The following ZNF177 variants were observed in gnomAD, a reference collection of about 807,000 sequenced individuals.
The protein encoded by ZNF177 is zinc finger protein 177.
In ZNF177, 17 loss-of-function variants were observed where a neutral mutation model predicts 19.4. The observed-to-expected ratio is 0.87, with a 90% CI of 0.60 to 1.31. The LOEUF (loss-of-function observed/expected upper bound fraction) is 1.31, where lower values mean the gene tolerates loss of function less well. ZNF177 is among the 40% of genes most tolerant of loss of function. The probability of loss-of-function intolerance (pLI) is 0.00; values close to 1 mark genes in which losing one functional copy is unlikely to be tolerated. For missense variants in ZNF177, 633 were observed against 561.8 expected (o/e 1.13, Z -1.28); for synonymous variants, 220 against 188.7 (o/e 1.17, Z -1.36).
intron 2 of ZNF177, among the ~76,000 whole-genome samples, chr19:9,368,732 A>G (rs186129072): frequency 1.2e-4 from 18 of 152,258 alleles, no homozygotes; most frequent in African/African-American, 3.6e-4. Context: ...TTCTAATTCA[A>G]TTCTTTTATA....
intron 5 of ZNF177, 167 bp from the exon 8 acceptor site, chr19:9,380,501 C>T (rs1049159567): frequency 1.5e-5 from 21 of 1,378,674 alleles, no homozygotes; most frequent in Admixed American, 6.6e-5. Flanking sequence ...TTATTCAACT[C>T]GAAAAAGCTA....
Position 9,381,733 on chromosome 19 carries a change from A to G in ZNF177, c.1402A>G (p.Ile468Val), listed in dbSNP as rs772234155. ...AGCCTTTAGCACAAGCACTAACCTT[A>G]TAATGCACAAGCGAATCCACAATGG... The change falls in exon 6 of 6, where the codon ATA (isoleucine) becomes GTA (valine). Residue 468 changes from isoleucine to valine, a missense_variant. By Grantham distance (29) the Ile-to-Val change is conservative. Coordinates refer to ENST00000589262, the Ensembl canonical transcript of ZNF177. The G allele has an allele frequency of 2.5e-6, 4 of 1,611,582 alleles. No individual in the cohort carries two copies. The South Asian group carries it at 4.4e-5, about 18-fold the overall frequency.
intron 2 of ZNF177, among the ~76,000 whole-genome samples, chr19:9,370,795 C>CG: frequency 6.6e-6 from 1 of 152,134 alleles, no homozygotes; most frequent in African/African-American, 2.4e-5. Context: ...CAGACACAAG[C>CG]ATTCATCTTT....
chr19:9,370,176 A>T (rs79986758), intron 2 of ZNF177, among the ~76,000 whole-genome samples: 3,203 of 152,188 alleles, frequency 0.021, 106 homozygotes, highest in African/African-American at 0.073. Context: ...AATTCTCCAC[A>T]AAAGTAGAAT....
At chr19:9,380,856 T>G in exon 6 of ZNF177, 1 of 1,536,078 alleles carries the variant, frequency 6.5e-7, no homozygotes, top group Non-Finnish European at 8.7e-7. Context: ...GAGAGAAAAC[T>G]CTTGAATTTA....
At chr19:9,374,703 ATTTT>A (rs58487494), upstream of ZNF177, among the ~76,000 whole-genome samples, 1 of 151,386 alleles carries the variant, frequency 6.6e-6, no homozygotes, top group Non-Finnish European at 1.5e-5. Flanking sequence ...TTGTATGTTG[ATTTT>A]TTTTTACCCT....
chr19:9,375,424 ATGTT>A (rs1188710248), upstream of ZNF177, among the ~76,000 whole-genome samples: 3 of 152,156 alleles, frequency 2.0e-5, no homozygotes, highest in African/African-American at 7.2e-5. Flanking sequence ...GATTCTTTAA[ATGTT>A]TGGTAGAATT....
exon 6 of ZNF177, chr19:9,381,845 A>G: frequency 1.3e-6 from 2 of 1,520,534 alleles, no homozygotes; most frequent in Non-Finnish European, 1.8e-6. Context: ...TATTGGAGAG[A>G]AGCCCTGTTA....
chr19:9,376,765 A>ATT (rs1354130328), intron 1 of ZNF177, among the ~76,000 whole-genome samples: 1 of 152,142 alleles, frequency 6.6e-6, no homozygotes, highest in East Asian at 1.9e-4. Context: ...ACTTTTTAAT[A>ATT]TTTTTATCTT....
At chr19:9,381,324 A>G in exon 6 of ZNF177, 1 of 1,613,244 alleles carries the variant, frequency 6.2e-7, no homozygotes, top group Non-Finnish European at 8.5e-7. Context: ...ATGTGCACAA[A>G]AGAACTCACA....
chr19:9,378,723 C>T lies in ZNF177; in HGVS notation c.34-239C>T, dbSNP rs186400108. ...CCTAACTGTGCAAAGATCAAGCCAA[C>T]CATATTTTAGAAAAGCTGTTTTGAC... On this transcript the variant is annotated intron_variant, in intron 2 of 5. Coordinates refer to ENST00000589262, the Ensembl canonical transcript of ZNF177. The T allele has an allele frequency of 2.9e-5, 18 of 611,250 alleles. No individual in the cohort carries two copies. The East Asian group carries it at 4.8e-4, about 16-fold the overall frequency. The allele number at this position is 611,250 out of a possible 1,614,324, so 37.9% of individuals were successfully genotyped here. A position where few individuals can be genotyped will look rare whatever the true frequency, so the allele number is the denominator to read the frequency against.
upstream of ZNF177, among the ~76,000 whole-genome samples, chr19:9,375,603 A>G (rs961302064): frequency 6.6e-6 from 1 of 151,918 alleles, no homozygotes; most frequent in African/African-American, 2.4e-5. Flanking sequence ...AGGTTATCCA[A>G]TTTTTTGGCA....
rs146418769 is a variant in ZNF177, at chr19:9,377,332, A to G, written c.-54+909A>G. On this transcript the variant is annotated intron_variant, in intron 1 of 5. Coordinates refer to ENST00000589262, the Ensembl canonical transcript of ZNF177. ...ACATTACTGGTTTATATATTTTTAT[A>G]CTATTTATTGTTATTTTAGAATGTA... Among the ~76,000 whole-genome samples, 359 of 152,300 alleles carry G rather than the reference A, an allele frequency of 2.4e-3. 4 individuals carry two copies. Among genetic ancestry groups the G allele is most frequent in the African/African-American group, 8.3e-3 (347 of 41,564 alleles).
chr19:9,382,050 AT>A, exon 6 of ZNF177: 1 of 460,622 alleles, frequency 2.2e-6, no homozygotes, highest in Non-Finnish European at 3.7e-6. Flanking sequence ...ATGGTCTTCA[AT>A]ATGTAGATTC....
At chr19:9,378,856 G>A in intron 2 of ZNF177, 106 bp from the exon 5 acceptor site, 1 of 1,428,464 alleles carries the variant, frequency 7.0e-7, no homozygotes, top group Non-Finnish European at 9.2e-7. Context: ...TGAGCTTCCA[G>A]TGCCCTGAGT....
exon 6 of ZNF177, chr19:9,382,082 A>G (rs909562851): frequency 4.8e-6 from 2 of 417,552 alleles, no homozygotes; most frequent in Middle Eastern, 6.2e-4. Context: ...AGATTTGAAC[A>G]TAATTGCTGG....
chr19:9,379,194 A>T, intron 3 of ZNF177, 106 bp downstream of exon 5: 5 of 1,443,128 alleles, frequency 3.5e-6, no homozygotes, highest in Non-Finnish European at 4.6e-6. Flanking sequence ...GGTTAACCCC[A>T]AAATGAATGG....
chr19:9,376,407 AAAGT>A (rs1210259371), exon 1 of ZNF177: 2 of 152,226 alleles, frequency 1.3e-5, no homozygotes, highest in Non-Finnish European at 2.9e-5. Context: ...ATTTATATTT[AAAGT>A]AATTATTGAT....
intron 2 of ZNF177, 112 bp downstream of exon 4, chr19:9,378,456 C>T (rs2304110): frequency 0.57 from 857,204 of 1,508,658 alleles, 245,742 homozygotes; most frequent in Middle Eastern, 0.63. Context: ...CTTCATCTTC[C>T]GCAGCTCCCA....
Sources: gnomAD v4.1 joint callset for allele counts (sites outside exome capture counted in the v4.1 genomes callset) on GRCh38, gnomAD v4.1.1 for gene constraint, MANE v1.5 for transcripts, NCBI Gene and HGNC (gene_info 2026-07-23, HGNC 2026-07-21) for gene names.